RHOT2: variants seen among roughly 807,000 people sequenced by gnomAD.
RHOT2 encodes the protein mitochondrial Rho GTPase 2.
Under a neutral mutation model 81.6 loss-of-function variants are expected in RHOT2, and 90 were observed. The ratio of observed to expected loss-of-function variants is 1.10; its 90% CI spans 0.93 to 1.31. The LOEUF (loss-of-function observed/expected upper bound fraction) is 1.31. Ranked by LOEUF, RHOT2 falls within the 40% of genes most tolerant of loss-of-function variation. The pLI is 0.00. For synonymous variants in RHOT2, 512 were observed against 370.9 expected (o/e 1.38, Z -4.37); for missense variants, 1,014 against 841.9 (o/e 1.20, Z -2.53).
intron 18 of RHOT2, 59 bp from the exon 19 acceptor site, chr16:673,421 C>A: frequency 6.2e-7 from 1 of 1,609,394 alleles, no homozygotes; most frequent in Non-Finnish European, 8.5e-7. Context: ...GGAGGGTGCC[C>A]AGCAGCAAGC....
intron 11 of RHOT2, 59 bp downstream of exon 11, chr16:671,262 C>T: frequency 6.6e-7 from 1 of 1,507,278 alleles, no homozygotes; most frequent in South Asian, 1.3e-5. Context: ...TGACTGCCGA[C>T]TATCTCTCCC....
chr16:671,916 A>G lies in RHOT2; in HGVS notation c.1011A>G (p.Pro337=). 1 of 1,602,798 alleles carries G rather than the reference A, an allele frequency of 6.2e-7. No homozygotes were observed. The part of the protein sequence containing the change: ...VELQSLFSVF[P]AAPWGPELPR... ...TGCAAAGCCTTTTCAGTGTGTTCCC[A>G]GCAGCGCCCTGGGGCCCCGAGCTCC... Residue 337 remains proline (P), a synonymous_variant, in exon 13 of 19, where the codon CCA becomes CCG. Transcript: ENST00000315082.
chr16:671,193 C>T lies in RHOT2; in HGVS notation c.859C>T (p.Leu287Phe), dbSNP rs1361660696. The change falls in exon 11 of 19, where the codon CTC (leucine) becomes TTC (phenylalanine). Residue 287 changes from leucine to phenylalanine, a missense_variant. By Grantham distance (22) the Leu-to-Phe change is conservative. Coordinates refer to ENST00000315082, the MANE Select transcript of RHOT2 (RefSeq NM_138769.3). ...SDALELTADY[L>F]SPLIHVPPGC... ...TGCCCTGGAGCTGACTGCGGACTAT[C>T]TCTCCCCTCTGTGAGTGATGCCGGG... 4.5e-6 allele frequency: 7 copies of T among 1,559,028 alleles called. No individual in the cohort carries two copies. The highest frequency in any genetic ancestry group is 1.7e-4 in the Middle Eastern group (1 of 5,802).
In RHOT2 at chr16:671,840, C is replaced by A; in HGVS notation, c.955-20C>A. On this transcript the variant is annotated intron_variant, in intron 12 of 18. Transcript: ENST00000315082. ...CGCCCCCTCCCCGGCACACACATCA[C>A]CACATCCCTCCTTCTGCAGGACCGC... 6.4e-7 allele frequency: 1 copy of A among 1,553,302 alleles called. No homozygotes were observed. The highest frequency in any genetic ancestry group is 8.7e-7 in the Non-Finnish European group (1 of 1,146,762).
At chr16:673,449 G>A (rs201153710) in intron 18 of RHOT2, 31 bp from the exon 19 acceptor site, 418 of 1,612,338 alleles carry the variant, frequency 2.6e-4, no homozygotes, top group Non-Finnish European at 3.3e-4. Context: ...ATGTGCCTGA[G>A]GTATCTGCAG....
chr16:670,960 C>A lies in RHOT2; in HGVS notation c.708C>A (p.Asn236Lys). 1 of 1,570,030 alleles carries A rather than the reference C, an allele frequency of 6.4e-7. No individual in the cohort carries two copies. The change falls in exon 10 of 19, where the codon AAC (asparagine) becomes AAA (lysine). Residue 236 changes from asparagine (N) to lysine (K), a missense_variant. Coordinates refer to ENST00000315082, the MANE Select transcript of RHOT2 (RefSeq NM_138769.3). ...LEDVKTVVCR[N>K]VAGGVREDRL... ...ACGTGAAGACGGTGGTGTGCAGGAA[C>A]GTGGCGGGCGGCGTGCGGGAGGACC...
At position 670,904 on chromosome 16, in the gene RHOT2, G is replaced by A. The variant is rs1036010129; in HGVS notation, c.652G>A (p.Gly218Arg). Residue 218 changes from glycine to arginine, a missense_variant, in exon 10 of 19, where the codon GGG (glycine) becomes AGG (arginine). By Grantham distance (125) the Gly-to-Arg change is moderately radical. Transcript: ENST00000315082. The stretch of plus-strand genomic sequence containing the variant: ...CTCTCGGAAGCAGAAATCCTGCTTT[G>A]GGCACCCCCTGGCCCCGCAGGCCCT... ...ELNAFQKSCF[G>R]HPLAPQALED... 6.4e-7 allele frequency: 1 copy of A among 1,573,584 alleles called. No homozygotes were observed. Among genetic ancestry groups the A allele is most frequent in the African/African-American group, 1.3e-5 (1 of 74,174 alleles).
intron 12 of RHOT2, 37 bp from the exon 13 acceptor site, chr16:671,823 C>T (rs767245777): frequency 3.7e-6 from 6 of 1,603,574 alleles, no homozygotes; most frequent in South Asian, 2.2e-5. Flanking sequence ...CCCGCCCCCT[C>T]CCCGGCACAC....
chr16:672,698 C>T lies in RHOT2; in HGVS notation c.1405-5C>T, dbSNP rs771819483. On this transcript the variant is annotated splice_region_variant and splice_polypyrimidine_tract_variant and intron_variant, in intron 16 of 18. Coordinates refer to ENST00000315082, the MANE Select transcript of RHOT2 (RefSeq NM_138769.3). ...GACCCTTCCTAAGGCCGCTGTCTGT[C>T]CCAGCTCTGTGAGGTGGGCACAGAT... The T allele has an allele frequency of 2.5e-6, 4 of 1,612,112 alleles. No individual in the cohort carries two copies. The highest frequency in any genetic ancestry group is 1.7e-6 in the Non-Finnish European group (2 of 1,179,954).
At position 670,872 on chromosome 16, in the gene RHOT2, C is replaced by A; in HGVS notation, c.640-20C>A. 1 of 1,585,002 alleles carries A rather than the reference C, an allele frequency of 6.3e-7. No individual in the cohort carries two copies. Among genetic ancestry groups the A allele is most frequent in the Non-Finnish European group, 8.6e-7 (1 of 1,161,568 alleles). On this transcript the variant is annotated intron_variant, in intron 9 of 18. Transcript: ENST00000315082. Reference sequence around the variant, plus strand: ...CTCCGGGTGGCTGGCTGACTCCCAACAACGTTCTCTCGGAAGCAGAAATCC... The same window carrying A: ...CTCCGGGTGGCTGGCTGACTCCCAAAAACGTTCTCTCGGAAGCAGAAATCC...
rs2039148643 is a variant in RHOT2 at position 672,557 on chromosome 16, G to A, written c.1395G>A (p.Lys465=). 2 of 1,612,440 alleles carry A rather than the reference G, an allele frequency of 1.2e-6. No individual in the cohort carries two copies. The highest frequency in any genetic ancestry group is 1.7e-5 in the Admixed American group (1 of 60,002). Residue 465 remains lysine, a synonymous_variant, in exon 16 of 19, where the codon AAG becomes AAA. Transcript: ENST00000315082. ...IDTVQVNGQE[K]YLILCEVGTD... ...CGGTGCAGGTCAATGGACAGGAGAA[G>A]TACTTGATCGTGAGTGCTGGGGCGG...
chr16:671,551 C>A (rs1346003022), intron 11 of RHOT2, 146 bp from the exon 12 acceptor site: 5 of 887,640 alleles, frequency 5.6e-6, no homozygotes, highest in Non-Finnish European at 8.6e-6. Context: ...TCCCCTATCG[C>A]AGCTGCAAGG....
intron 4 of RHOT2, chr16:669,278 G>C (rs966806020): frequency 1.8e-6 from 1 of 551,684 alleles, no homozygotes; most frequent in Non-Finnish European, 3.3e-6. Context: ...TATGCTTCTG[G>C]GGCCTGGTGT....
intron 5 of RHOT2, 112 bp from the exon 6 acceptor site, chr16:670,011 C>T: frequency 9.9e-7 from 1 of 1,005,070 alleles, no homozygotes; most frequent in Non-Finnish European, 1.4e-6. Flanking sequence ...GACTTGGGCC[C>T]TCAGTGGGCC....
rs767524005 is a variant in RHOT2, at chr16:672,932, A to G, written c.1532A>G (p.His511Arg). The change falls in exon 18 of 19, where the codon CAT becomes CGT. Residue 511 changes from histidine (H) to arginine (R), a missense_variant. Transcript: ENST00000315082. Reference protein sequence around the residue: ...FAHCASVYKHHYMDGQTPCLF... With the variant: ...FAHCASVYKHRYMDGQTPCLF... The stretch of plus-strand genomic sequence containing the variant: ...CATACCACTCTCTGCCCACAGCACC[A>G]TTACATGGACGGGCAGACCCCCTGC... 3.1e-6 allele frequency: 5 copies of G among 1,612,662 alleles called. No individual in the cohort carries two copies. The African/African-American group carries it at 5.3e-5, about 17-fold the overall frequency.
Position 671,613 on chromosome 16 carries a change from G to A in RHOT2, c.870-84G>A, listed in dbSNP as rs1307988868. On this transcript the variant is annotated intron_variant, in intron 11 of 18. Coordinates refer to ENST00000315082, the MANE Select transcript of RHOT2 (RefSeq NM_138769.3). ...CCTGTAGGGAGGGTCCGGCTGCACCGATGGGGCTGGCAGGGTGACAGATGG... is the reference window on the plus strand; with the variant it reads ...CCTGTAGGGAGGGTCCGGCTGCACCAATGGGGCTGGCAGGGTGACAGATGG... 1.8e-5 allele frequency: 26 copies of A among 1,456,306 alleles called. 1 individual carries two copies. The highest frequency in any genetic ancestry group is 1.3e-4 in the South Asian group (11 of 81,484). 90.2% of individuals were successfully genotyped at this position (1,456,306 alleles called of 1,614,324 possible).
At chr16:669,959 C>T in intron 5 of RHOT2, 164 bp from the exon 6 acceptor site, 1 of 655,470 alleles carries the variant, frequency 1.5e-6, no homozygotes, top group South Asian at 2.0e-5. Context: ...GAGGCTGCAC[C>T]TGCTGCCTGC....
Position 670,465 on chromosome 16 carries a change from A to G in RHOT2, c.448A>G (p.Lys150Glu). 1 of 1,606,226 alleles carries G rather than the reference A, an allele frequency of 6.2e-7. No homozygotes were observed. Among genetic ancestry groups the G allele is most frequent in the Admixed American group, 1.7e-5 (1 of 59,342 alleles). ...GTTCCCACTTTCCCAGTGTTCGGCC[A>G]AGAACCTGAGGAACATCTCAGAGCT... ...EIETCVECSA[K>E]NLRNISELFY... Residue 150 changes from lysine (K) to glutamate (E), a missense_variant, in exon 8 of 19, where the codon AAG (lysine) becomes GAG (glutamate). Coordinates refer to ENST00000315082, the MANE Select transcript of RHOT2 (RefSeq NM_138769.3).
chr16:671,729 T>C lies in RHOT2; in HGVS notation c.902T>C (p.Leu301Pro), dbSNP rs1181023718. The C allele has an allele frequency of 6.2e-7, 1 of 1,612,336 alleles. No homozygotes were observed. The highest frequency in any genetic ancestry group is 1.1e-5 in the South Asian group (1 of 91,078). ...IHVPPGCSTELNHLGYQFVQR... is the reference protein window; with the variant it reads ...IHVPPGCSTEPNHLGYQFVQR... Reference sequence around the variant, plus strand: ...GTGCCCCCCGGCTGCAGCACGGAGCTCAACCACCTTGGCTACCAGTTTGTG... The same window carrying C: ...GTGCCCCCCGGCTGCAGCACGGAGCCCAACCACCTTGGCTACCAGTTTGTG... Residue 301 changes from leucine (L) to proline (P), a missense_variant, in exon 12 of 19, where the codon CTC becomes CCC. Transcript: ENST00000315082.
Sources: gnomAD v4.1 joint callset for allele counts on GRCh38, gnomAD v4.1.1 for gene constraint, MANE v1.5 for transcripts, NCBI Gene and HGNC (gene_info 2026-07-23, HGNC 2026-07-21) for gene names.